The following LTBP1 variants were observed in gnomAD, a reference collection of about 807,000 sequenced individuals.
The protein encoded by LTBP1 is latent transforming growth factor beta binding protein 1.
A neutral mutation model predicts 207.6 loss-of-function variants in LTBP1; 129 were observed. That is an observed-to-expected ratio of 0.62 (90% CI 0.54 to 0.72). The LOEUF is 0.72. Ranked by LOEUF, LTBP1 falls within the 30% of genes least tolerant of loss-of-function variation. LTBP1 has a pLI of 0.00. For synonymous variants in LTBP1, 963 were observed against 833.7 expected (o/e 1.16, Z -2.67); for missense variants, 2,281 against 2,217.2 (o/e 1.03, Z -0.58).
chr2:33,181,869 T>C (rs941765054), intron 5 of LTBP1, among the ~76,000 whole-genome samples: 8 of 152,104 alleles, frequency 5.3e-5, no homozygotes, highest in Admixed American at 5.2e-4. Flanking sequence ...GTTTTGAGAG[T>C]GGCATGAACT....
In LTBP1 at chr2:33,082,748, C is replaced by T. The variant is rs116632095; in HGVS notation, c.864-27834C>T. Among the ~76,000 whole-genome samples the T allele has an allele frequency of 4.7e-3, 719 of 152,194 alleles. 8 individuals are homozygous for T. Among genetic ancestry groups the T allele is most frequent in the African/African-American group, 0.016 (665 of 41,514 alleles). On this transcript the variant is annotated intron_variant, in intron 3 of 33. Transcript: ENST00000404816. ...CCTACTCACTTTTTGATCATAACTC[C>T]GTTTATATTTCAGGCTCATTTCTGA...
chr2:33,227,887 C>G (rs574650085), intron 9 of LTBP1, among the ~76,000 whole-genome samples: 17 of 144,318 alleles, frequency 1.2e-4, no homozygotes, highest in African/African-American at 4.2e-4. Context: ...TCACTGCAGC[C>G]TCTGCCTCCC....
chr2:33,310,127 TA>T (rs139084272), intron 23 of LTBP1, among the ~76,000 whole-genome samples: 2,900 of 152,176 alleles, frequency 0.019, 36 homozygotes, highest in Middle Eastern at 0.085. Flanking sequence ...TTTGTATTTT[TA>T]CTGGAGACGG....
chr2:33,093,437 T>C (rs2079214074), intron 3 of LTBP1, among the ~76,000 whole-genome samples: 1 of 152,162 alleles, frequency 6.6e-6, no homozygotes, highest in Non-Finnish European at 1.5e-5. Context: ...TTGGAACAAT[T>C]CAAGCATTTT....
At chr2:32,970,188 CA>C (rs1363062571) in intron 2 of LTBP1, among the ~76,000 whole-genome samples, 1 of 152,106 alleles carries the variant, frequency 6.6e-6, no homozygotes, top group African/African-American at 2.4e-5. Flanking sequence ...GCATAGTTTG[CA>C]AATATTTTCT....
chr2:32,977,611 G>T (rs1049011760), intron 2 of LTBP1, among the ~76,000 whole-genome samples: 4 of 152,180 alleles, frequency 2.6e-5, no homozygotes, highest in African/African-American at 9.7e-5. Context: ...CTCTGCTTCA[G>T]TTTAGAAGCA....
intron 24 of LTBP1, among the ~76,000 whole-genome samples, chr2:33,323,885 G>A (rs1418032588): frequency 6.6e-6 from 1 of 152,184 alleles, no homozygotes; most frequent in African/African-American, 2.4e-5. Flanking sequence ...ACTGGGTGTA[G>A]TAGTGGCTAA....
At chr2:33,209,094 A>G (rs2090103046) in intron 7 of LTBP1, among the ~76,000 whole-genome samples, 1 of 151,820 alleles carries the variant, frequency 6.6e-6, no homozygotes, top group Non-Finnish European at 1.5e-5. Context: ...GCTGGTTTCG[A>G]ACTCCTGACC....
At chr2:33,189,194 G>GATTT (rs2087558987) in intron 7 of LTBP1, among the ~76,000 whole-genome samples, 1 of 151,888 alleles carries the variant, frequency 6.6e-6, no homozygotes, top group South Asian at 2.1e-4. Flanking sequence ...TTTGTTTATT[G>GATTT]ATTGATTGAT....
intron 11 of LTBP1, among the ~76,000 whole-genome samples, chr2:33,256,517 T>C (rs2092856348): frequency 6.6e-6 from 1 of 151,668 alleles, no homozygotes; most frequent in Non-Finnish European, 1.5e-5. Context: ...CTTAGACAAA[T>C]GTCACTGAGT....
In LTBP1 at chr2:33,187,030, A is replaced by G. The variant is rs1217025895; in HGVS notation, c.1376A>G (p.His459Arg). The G allele has an allele frequency of 3.7e-6, 6 of 1,614,198 alleles. No homozygotes were observed. Among genetic ancestry groups the G allele is most frequent in the South Asian group, 3.3e-5 (3 of 91,086 alleles). ...PGKALGTHVIHSTHTLPLTVT... is the reference protein window; with the variant it reads ...PGKALGTHVIRSTHTLPLTVT... ...AAGGCGTTGGGGACGCATGTCATCC[A>G]TTCAACACATACCTTGCCTCTGACC... is the stretch of plus-strand genomic sequence containing the variant. Residue 459 changes from histidine (H) to arginine (R), a missense_variant, in exon 6 of 34, where the codon CAT becomes CGT. Around this residue, in one of 3 missense-constraint regions of LTBP1, gnomAD observed 1,671 missense variants for 1,634.8 expected, o/e 1.02. Transcript: ENST00000404816.
chr2:33,005,015 T>C (rs1686625337), intron 2 of LTBP1, among the ~76,000 whole-genome samples: 1 of 151,984 alleles, frequency 6.6e-6, no homozygotes, highest in Non-Finnish European at 1.5e-5. Context: ...CATGAAGTTA[T>C]TAATCATATC....
intron 23 of LTBP1, among the ~76,000 whole-genome samples, chr2:33,310,749 T>C (rs2094173872): frequency 6.6e-6 from 1 of 152,168 alleles, no homozygotes; most frequent in Non-Finnish European, 1.5e-5. Context: ...GCTAAAAAAA[T>C]TAAATTCTCT....
intron 7 of LTBP1, among the ~76,000 whole-genome samples, chr2:33,215,711 C>CTTTTTTTTTTTTTTTTTTTTTTT (rs201936680): frequency 7.9e-6 from 1 of 125,998 alleles, no homozygotes. Context: ...CATTGGTTTT[C>CTTTTTTTTTTTTTTTTTTTTTTT]TTTTGTTTTT....
chr2:33,147,205 C>T (rs1265704093), intron 5 of LTBP1, among the ~76,000 whole-genome samples: 5 of 152,136 alleles, frequency 3.3e-5, no homozygotes, highest in African/African-American at 1.2e-4. Context: ...CAGAATTTCT[C>T]AGTGTGCTTT....
rs74990388 is a variant in LTBP1 at position 33,300,525 on chromosome 2, A to T, written c.3310A>T (p.Thr1104Ser). Residue 1104 changes from threonine to serine, a missense_variant, in exon 21 of 34, where the codon ACC becomes TCC. Thr to Ser is a moderately conservative substitution (Grantham distance 58). Transcript: ENST00000404816. ...AAATACCGAGGGCTCCTTCAGGTGC[A>T]CCTGTGGACAGGGGTACCAGCTGTC... is the stretch of plus-strand genomic sequence containing the variant. ...CKNTEGSFRCTCGQGYQLSAA... is the reference protein window; with the variant it reads ...CKNTEGSFRCSCGQGYQLSAA... The T allele has an allele frequency of 6.2e-7, 1 of 1,613,776 alleles. No individual in the cohort carries two copies. The highest frequency in any genetic ancestry group is 1.3e-5 in the African/African-American group (1 of 75,048).
chr2:33,236,502 C>T (rs2092058000), intron 9 of LTBP1, among the ~76,000 whole-genome samples: 1 of 152,190 alleles, frequency 6.6e-6, no homozygotes. Context: ...CATTCCTGTG[C>T]ATTTTAGAAT....
intron 5 of LTBP1, among the ~76,000 whole-genome samples, chr2:33,163,427 A>G (rs1156958294): frequency 6.6e-6 from 1 of 152,232 alleles, no homozygotes; most frequent in Non-Finnish European, 1.5e-5. Flanking sequence ...AGGTGGCAGA[A>G]CTGTTCAGTC....
intron 7 of LTBP1, among the ~76,000 whole-genome samples, chr2:33,209,485 G>C (rs2090137176): frequency 6.6e-6 from 1 of 152,074 alleles, no homozygotes; most frequent in South Asian, 2.1e-4. Context: ...TTTACAAGTT[G>C]AATTATTGGA....
Sources: gnomAD v4.1 joint callset for allele counts (sites outside exome capture counted in the v4.1 genomes callset) on GRCh38, gnomAD v4.1.1 for gene constraint, gnomAD v4.1.1 regional missense constraint, MANE v1.5 for transcripts, NCBI Gene and HGNC (gene_info 2026-07-23, HGNC 2026-07-21) for gene names.